GAS7: variants seen among roughly 807,000 people sequenced by gnomAD.
GAS7 encodes the protein growth arrest-specific protein 7.
GAS7 carries 28 observed loss-of-function variants against 71.1 expected under a neutral mutation model. The ratio of observed to expected loss-of-function variants is 0.39; its 90% CI spans 0.29 to 0.54. The LOEUF (loss-of-function observed/expected upper bound fraction) is 0.54. GAS7 is among the 20% of genes least tolerant of loss of function. The probability of loss-of-function intolerance (pLI) is 0.62; values close to 1 mark genes in which losing one functional copy is unlikely to be tolerated. For missense variants in GAS7, 436 were observed against 627.8 expected, an observed-to-expected ratio of 0.69 and a Z score of 3.27; for synonymous variants, 258 against 245.8, an observed-to-expected ratio of 1.05 and a Z score of -0.46.
In GAS7 at chr17:10,066,555, T is replaced by G. The variant is rs553579209; in HGVS notation, c.184-46658A>C. Among the ~76,000 whole-genome samples, 280 of 152,222 alleles carry G rather than the reference T, an allele frequency of 1.8e-3. 1 individual carries two copies. Among genetic ancestry groups the G allele is most frequent in the African/African-American group, 6.5e-3 (268 of 41,538 alleles). On this transcript the variant is annotated intron_variant, in intron 1 of 13. Transcript: ENST00000432992. ...CTTGCTATATTGCCCAGGCTGGTCTTGAACAGCTGGCCTCAGGCCATCCCC... is the reference window on the plus strand; with the variant it reads ...CTTGCTATATTGCCCAGGCTGGTCTGGAACAGCTGGCCTCAGGCCATCCCC...
intron 2 of GAS7, among the ~76,000 whole-genome samples, chr17:9,983,503 T>C (rs955530821): frequency 7.2e-6 from 1 of 139,336 alleles, no homozygotes; most frequent in African/African-American, 2.7e-5. Context: ...AAAATGAAAA[T>C]AGGCCGGGCG....
At chr17:10,055,419 G>A (rs765933172) in intron 1 of GAS7, among the ~76,000 whole-genome samples, 3 of 152,172 alleles carry the variant, frequency 2.0e-5, no homozygotes, top group Non-Finnish European at 4.4e-5. Context: ...GTCCCCTGGC[G>A]GACCTCAGGC....
chr17:10,047,630 G>A (rs1043409875), intron 1 of GAS7, among the ~76,000 whole-genome samples: 1 of 152,158 alleles, frequency 6.6e-6, no homozygotes, highest in African/African-American at 2.4e-5. Context: ...CTGTCAGAAT[G>A]TAAGAAGCTG....
intron 1 of GAS7, among the ~76,000 whole-genome samples, chr17:10,171,175 T>G (rs571197525): frequency 6.6e-6 from 1 of 152,190 alleles, no homozygotes; most frequent in African/African-American, 2.4e-5. Context: ...CTCTTTTGGT[T>G]TGGAAGAAAC....
intron 1 of GAS7, among the ~76,000 whole-genome samples, chr17:10,183,117 C>T (rs1025376403): frequency 1.2e-4 from 18 of 151,536 alleles, no homozygotes; most frequent in Admixed American, 3.3e-4. Flanking sequence ...ACCTACGCCC[C>T]GAAAACCCTC....
intron 2 of GAS7, among the ~76,000 whole-genome samples, chr17:10,000,613 T>A (rs2071231495): frequency 6.6e-6 from 1 of 152,206 alleles, no homozygotes; most frequent in Admixed American, 6.5e-5. Flanking sequence ...CAGGTCGTCA[T>A]GAAAGTTCCT....
intron 9 of GAS7, chr17:9,927,125 T>C (rs1014222238): frequency 2.9e-5 from 6 of 205,100 alleles, no homozygotes; most frequent in Admixed American, 5.2e-5. Flanking sequence ...TTTTGAAATA[T>C]GTATATATTG....
chr17:9,921,149 A>ATTTT (rs1306605073), intron 11 of GAS7, among the ~76,000 whole-genome samples: 1 of 144,556 alleles, frequency 6.9e-6, no homozygotes, highest in African/African-American at 2.6e-5. Context: ...CGTAAAATGC[A>ATTTT]TTTTTTTCTT....
chr17:10,012,889 T>C lies in GAS7; in HGVS notation c.304+6888A>G, dbSNP rs191102660. Among the ~76,000 whole-genome samples, 97 of 151,436 alleles carry C rather than the reference T, an allele frequency of 6.4e-4. 2 individuals carry two copies. In the East Asian group the frequency reaches 0.018, roughly 29 times the overall value. ...AGGCCGAGGCAGGTGAATCACGAGA[T>C]CAGGAGATCGAGACCATCCTGGCTA... On this transcript the variant is annotated intron_variant, in intron 2 of 13. Transcript: ENST00000432992.
intron 1 of GAS7, among the ~76,000 whole-genome samples, chr17:10,080,791 G>C (rs3865255): frequency 0.5 from 76,562 of 152,080 alleles, 19,760 homozygotes; most frequent in African/African-American, 0.57. Flanking sequence ...GAACATCCAA[G>C]ACAATTTTGA....
At chr17:9,982,866 A>AAAGAAAGAAAGCAAGC (rs1173313108) in intron 2 of GAS7, among the ~76,000 whole-genome samples, 2 of 144,552 alleles carry the variant, frequency 1.4e-5, no homozygotes, top group Non-Finnish European at 3.0e-5. Flanking sequence ...AGAAAGAAAG[A>AAAGAAAGAAAGCAAGC]AAGCAAAGAA....
At chr17:10,146,003 G>C (rs1290777002) in intron 1 of GAS7, among the ~76,000 whole-genome samples, 1 of 152,166 alleles carries the variant, frequency 6.6e-6, no homozygotes, top group Admixed American at 6.5e-5. Flanking sequence ...CCTTGTCATG[G>C]ATCAGGTCCT....
intron 1 of GAS7, among the ~76,000 whole-genome samples, chr17:10,080,092 G>T (rs1257077330): frequency 2.6e-5 from 4 of 152,168 alleles, no homozygotes; most frequent in Admixed American, 6.5e-5. Context: ...GTGGCCACAA[G>T]ATACAGGTCA....
intron 2 of GAS7, among the ~76,000 whole-genome samples, chr17:9,992,658 G>T (rs2070889300): frequency 6.6e-6 from 1 of 151,202 alleles, no homozygotes; most frequent in African/African-American, 2.4e-5. Context: ...CAATGTGCAG[G>T]TTAGTTACAT....
intron 1 of GAS7, among the ~76,000 whole-genome samples, chr17:10,023,194 G>A (rs1295837769): frequency 6.6e-6 from 1 of 152,332 alleles, no homozygotes; most frequent in Admixed American, 6.5e-5. Flanking sequence ...ATGTGGCAAA[G>A]ATGGTCTCCA....
At chr17:10,063,184 CTTT>C (rs1336212598) in intron 1 of GAS7, among the ~76,000 whole-genome samples, 2 of 152,262 alleles carry the variant, frequency 1.3e-5, no homozygotes, top group Non-Finnish European at 2.9e-5. Flanking sequence ...AATGCCACTT[CTTT>C]GTCATTCTTG....
At chr17:10,109,692 G>A (rs547706858) in intron 1 of GAS7, among the ~76,000 whole-genome samples, 1 of 152,240 alleles carries the variant, frequency 6.6e-6, no homozygotes, top group African/African-American at 2.4e-5. Flanking sequence ...GCCAAGGCAG[G>A]TGGATCACCT....
chr17:10,088,018 T>C (rs563053950), intron 1 of GAS7, among the ~76,000 whole-genome samples: 96 of 151,978 alleles, frequency 6.3e-4, no homozygotes, highest in African/African-American at 2.3e-3. Context: ...AAAAAATATA[T>C]GGATGCAGCC....
chr17:10,099,116 G>A (rs1440977251), intron 1 of GAS7, among the ~76,000 whole-genome samples: 1 of 152,108 alleles, frequency 6.6e-6, no homozygotes, highest in African/African-American at 2.4e-5. Context: ...TTGTGAAATA[G>A]GCCTGCTGGA....
Sources: gnomAD v4.1 joint callset for allele counts (sites outside exome capture counted in the v4.1 genomes callset) on GRCh38, gnomAD v4.1.1 for gene constraint, MANE v1.5 for transcripts, NCBI Gene and HGNC (gene_info 2026-07-23, HGNC 2026-07-21) for gene names.